FRA10AC1: variants seen among roughly 807,000 people sequenced by gnomAD.
The protein encoded by FRA10AC1 is protein FRA10AC1.
A neutral mutation model predicts 56.5 loss-of-function variants in FRA10AC1; 43 were observed. The observed-to-expected ratio is 0.76, with a 90% CI of 0.60 to 0.98. The LOEUF (loss-of-function observed/expected upper bound fraction) is 0.98. FRA10AC1 is among the 50% of genes least tolerant of loss of function. The pLI, the probability that FRA10AC1 is intolerant of heterozygous loss-of-function variation, is 0.00. For missense variants in FRA10AC1, 346 were observed against 351.8 expected (o/e 0.98, Z 0.13); for synonymous variants, 112 against 110.5 (o/e 1.01, Z -0.09).
intron 11 of FRA10AC1, among the ~76,000 whole-genome samples, chr10:93,679,647 A>G (rs1176537438): frequency 6.6e-6 from 1 of 152,188 alleles, no homozygotes; most frequent in East Asian, 1.9e-4. Flanking sequence ...TGTATAGTAC[A>G]CAAGTTCTGG....
At position 93,687,451 on chromosome 10, in the gene FRA10AC1, T is replaced by A; in HGVS notation, c.466-2A>T. 1 of 1,510,190 alleles carries A rather than the reference T, an allele frequency of 6.6e-7. No homozygotes were observed. Among genetic ancestry groups the A allele is most frequent in the Non-Finnish European group, 9.0e-7 (1 of 1,114,220 alleles). The allele number at this position is 1,510,190 out of a possible 1,614,324, so 93.5% of individuals were successfully genotyped here. A position where few individuals can be genotyped will look rare whatever the true frequency, so the allele number is the denominator to read the frequency against. The stretch of plus-strand genomic sequence containing the variant: ...TTCTACTCGCCACCTAAATCCAAAC[T>A]GATAATAAAAAAATTACATTTATGC... On this transcript the variant is annotated splice_acceptor_variant, in intron 7 of 13. Transcript: ENST00000359204. LOFTEE classifies it high-confidence loss of function.
chr10:93,687,989 T>C (rs1358341563), intron 7 of FRA10AC1: 2 of 152,142 alleles, frequency 1.3e-5, no homozygotes, highest in Non-Finnish European at 2.9e-5. Flanking sequence ...TAGTAACTAG[T>C]ATACTCCAAC....
Position 93,669,874 on chromosome 10 carries a change from TAAA to T in FRA10AC1, c.906-9_906-7del. Reference sequence around the variant, plus strand: ...ACTCATCAAATTCTTCTTCCCTATTTAAAAAAAAAAGCATACTTAAGATCAATA... The same window carrying T: ...ACTCATCAAATTCTTCTTCCCTATTTAAAAAAAGCATACTTAAGATCAATA... On this transcript the variant is annotated splice_region_variant and splice_polypyrimidine_tract_variant and intron_variant, in intron 13 of 13. Transcript: ENST00000359204. 1 of 1,380,192 alleles carries T rather than the reference TAAA, an allele frequency of 7.2e-7. No individual in the cohort carries two copies. Among genetic ancestry groups the T allele is most frequent in the East Asian group, 2.5e-5 (1 of 39,262 alleles). 85.5% of individuals were successfully genotyped at this position (1,380,192 alleles called of 1,614,324 possible).
At chr10:93,698,220 T>C (rs979695615) in intron 3 of FRA10AC1, 39 bp from the exon 4 acceptor site, 61 of 1,511,240 alleles carry the variant, frequency 4.0e-5, no homozygotes, top group Non-Finnish European at 5.5e-5. Flanking sequence ...TCAAAATGTT[T>C]ATATTCAAAT....
At chr10:93,684,010 A>G (rs1396647153) in intron 10 of FRA10AC1, 46 bp downstream of exon 10, 3 of 1,270,860 alleles carry the variant, frequency 2.4e-6, no homozygotes, top group Non-Finnish European at 3.4e-6. Context: ...AAATGACTAT[A>G]TCCTGGATTA....
intron 4 of FRA10AC1, 62 bp downstream of exon 4, chr10:93,698,073 AC>A: frequency 2.2e-6 from 2 of 916,836 alleles, no homozygotes; most frequent in Non-Finnish European, 3.2e-6. Flanking sequence ...ATTTTATAAA[AC>A]AAAAAAGCAG....
At chr10:93,690,300 C>A (rs1180862158) in intron 7 of FRA10AC1, among the ~76,000 whole-genome samples, 2 of 152,226 alleles carry the variant, frequency 1.3e-5, no homozygotes, top group South Asian at 4.1e-4. Context: ...TCAGAATCTG[C>A]GAGTCATATC....
rs374903280 is a variant in FRA10AC1, at chr10:93,669,842, T to G, written c.932A>C (p.Gln311Pro). 75 of 1,583,974 alleles carry G rather than the reference T, an allele frequency of 4.7e-5. No homozygotes were observed. The highest frequency in any genetic ancestry group is 6.4e-5 in the Non-Finnish European group (74 of 1,160,516). The part of the protein sequence containing the change: ...SQEEEFDEYF[Q>P]DLFL ...TCTCTCGTCTCATAGAAACAAATCC[T>G]GAAAATACTCATCAAATTCTTCTTC... is the stretch of plus-strand genomic sequence containing the variant. Residue 311 changes from glutamine to proline, a missense_variant, in exon 14 of 14, where the codon CAG becomes CCG. Coordinates refer to ENST00000359204, the MANE Select transcript of FRA10AC1 (RefSeq NM_145246.5).
At chr10:93,677,923 T>C (rs1447284592) in intron 11 of FRA10AC1, among the ~76,000 whole-genome samples, 3 of 152,192 alleles carry the variant, frequency 2.0e-5, no homozygotes, top group Middle Eastern at 3.2e-3. Context: ...GAAAATGTGG[T>C]TGAATTCACT....
intron 5 of FRA10AC1, among the ~76,000 whole-genome samples, chr10:93,694,358 A>G (rs1398169541): frequency 1.3e-5 from 2 of 152,194 alleles, no homozygotes; most frequent in Admixed American, 6.5e-5. Context: ...GGCCTGTCCA[A>G]AAAAATGGGA....
chr10:93,687,604 T>A, intron 7 of FRA10AC1, 155 bp from the exon 8 acceptor site: 1 of 694,258 alleles, frequency 1.4e-6, no homozygotes, highest in Non-Finnish European at 2.2e-6. Context: ...AGAAAATACA[T>A]TGAACAATCA....
chr10:93,681,726 G>T, intron 10 of FRA10AC1, 128 bp from the exon 11 acceptor site: 1 of 794,230 alleles, frequency 1.3e-6, no homozygotes, highest in Non-Finnish European at 1.8e-6. Context: ...TATATAATAA[G>T]GAACGTTAAG....
intron 10 of FRA10AC1, among the ~76,000 whole-genome samples, chr10:93,682,636 AC>A (rs1233899917): frequency 6.6e-6 from 1 of 152,070 alleles, no homozygotes; most frequent in African/African-American, 2.4e-5. Flanking sequence ...CACCATCTCT[AC>A]AAAAACTTTA....
intron 5 of FRA10AC1, among the ~76,000 whole-genome samples, chr10:93,693,689 T>C (rs116977648): frequency 0.13 from 13,066 of 100,342 alleles, 1,322 homozygotes; most frequent in Middle Eastern, 0.2. Flanking sequence ...TATATATATA[T>C]ACCATATATA....
chr10:93,677,361 T>C (rs2058859791), intron 11 of FRA10AC1, among the ~76,000 whole-genome samples: 1 of 152,196 alleles, frequency 6.6e-6, no homozygotes, highest in Non-Finnish European at 1.5e-5. Flanking sequence ...CCAATGTTCC[T>C]GGATAGGAGG....
chr10:93,688,042 T>C (rs1367232830), intron 7 of FRA10AC1: 1 of 152,148 alleles, frequency 6.6e-6, no homozygotes, highest in Non-Finnish European at 1.5e-5. Flanking sequence ...TGAAAACTAA[T>C]GTCCACATGA....
At chr10:93,686,944 A>T (rs2133919593) in intron 8 of FRA10AC1, among the ~76,000 whole-genome samples, 1 of 151,992 alleles carries the variant, frequency 6.6e-6, no homozygotes, top group African/African-American at 2.4e-5. Flanking sequence ...ATTTGGGCTC[A>T]ATATAAGGGA....
In FRA10AC1 at chr10:93,702,131, A is replaced by G. The variant is rs548552245; in HGVS notation, c.-1+244T>C. Among the ~76,000 whole-genome samples, 24 of 151,318 alleles carry G rather than the reference A, an allele frequency of 1.6e-4. 1 individual carries two copies. The highest frequency in any genetic ancestry group is 2.6e-4 in the Admixed American group (4 of 15,204). On this transcript the variant is annotated intron_variant, in intron 1 of 13. Coordinates refer to ENST00000359204, the MANE Select transcript of FRA10AC1 (RefSeq NM_145246.5). The stretch of plus-strand genomic sequence containing the variant: ...TCGCTGGCCGCTCCATCCGACCCAT[A>G]CCTATCTTAACTCACTGGTTGAACT...
chr10:93,683,505 C>T (rs2058971048), intron 10 of FRA10AC1, among the ~76,000 whole-genome samples: 1 of 152,122 alleles, frequency 6.6e-6, no homozygotes, highest in Non-Finnish European at 1.5e-5. Context: ...CACCTGCCAC[C>T]ACGCCCAGTT....
Sources: allele counts gnomAD v4.1 joint callset (sites outside exome capture counted in the v4.1 genomes callset), GRCh38; gene constraint gnomAD v4.1.1; transcripts MANE v1.5; gene names NCBI Gene and HGNC (gene_info 2026-07-23, HGNC 2026-07-21).